The following ITGA9 variants were observed in gnomAD, a reference collection of about 807,000 sequenced individuals.
ITGA9 encodes integrin subunit alpha 9, also known as integrin alpha-9.
A neutral mutation model predicts 127.8 loss-of-function variants in ITGA9; 56 were observed. That is an observed-to-expected ratio of 0.44 (90% CI 0.35 to 0.55). The LOEUF (loss-of-function observed/expected upper bound fraction) is 0.55. ITGA9 is among the 20% of genes least tolerant of loss of function. The pLI is 0.00. For synonymous variants in ITGA9, 508 were observed against 514.5 expected, an observed-to-expected ratio of 0.99 and a Z score of 0.17; for missense variants, 1,196 against 1,347.1, an observed-to-expected ratio of 0.89 and a Z score of 1.76.
In ITGA9 at chr3:37,818,251, C is replaced by CTTTTTTTTT. The variant is rs1165189273; in HGVS notation, c.3010-622_3010-614dup. ...TCCCAAACTTATTTGACCATGAAAC[C>CTTTTTTTTT]TTTTTTTTTTTTTTTTTTTTTTTTT... On this transcript the variant is annotated intron_variant, in intron 27 of 27. Coordinates refer to ENST00000264741, the MANE Select transcript of ITGA9 (RefSeq NM_002207.3). 2.5e-3 allele frequency: 143 copies of CTTTTTTTTT among 57,020 alleles called. 8 individuals are homozygous for CTTTTTTTTT. The highest frequency in any genetic ancestry group is 8.1e-3 in the African/African-American group (136 of 16,762). 3.5% of individuals were successfully genotyped at this position (57,020 alleles called of 1,614,324 possible).
chr3:37,682,097 A>G (rs958080179), intron 17 of ITGA9, among the ~76,000 whole-genome samples: 1 of 152,076 alleles, frequency 6.6e-6, no homozygotes, highest in Non-Finnish European at 1.5e-5. Flanking sequence ...GATAATTCCC[A>G]TCTTAATAAA....
intron 16 of ITGA9, among the ~76,000 whole-genome samples, chr3:37,649,350 C>T (rs1361532282): frequency 6.6e-6 from 1 of 152,022 alleles, no homozygotes; most frequent in Non-Finnish European, 1.5e-5. Flanking sequence ...AAGAAGCTCA[C>T]TTTTAGATTC....
chr3:37,568,821 C>T (rs1699573513), intron 15 of ITGA9, among the ~76,000 whole-genome samples: 1 of 152,232 alleles, frequency 6.6e-6, no homozygotes, highest in African/African-American at 2.4e-5. Flanking sequence ...TTGGTCAAAG[C>T]CATTCAACAA....
chr3:37,737,122 G>A lies in ITGA9; in HGVS notation c.2234+139G>A, dbSNP rs183931957. 137 of 710,388 alleles carry A rather than the reference G, an allele frequency of 1.9e-4. No homozygotes were observed. The African/African-American group carries it at 2.1e-3, about 11-fold the overall frequency. 44.0% of individuals were successfully genotyped at this position (710,388 alleles called of 1,614,324 possible). A position where few individuals can be genotyped will look rare whatever the true frequency, so the allele number is the denominator to read the frequency against. On this transcript the variant is annotated intron_variant, in intron 20 of 27. Transcript: ENST00000264741. The stretch of plus-strand genomic sequence containing the variant: ...TTACTCAGTGATAAAGCCTTGAGCC[G>A]CAAAGTGGAATTGGATTTCTTGGGG...
intron 14 of ITGA9, among the ~76,000 whole-genome samples, chr3:37,540,930 G>A (rs1245551404): frequency 6.6e-6 from 1 of 152,256 alleles, no homozygotes; most frequent in African/African-American, 2.4e-5. Context: ...CGTTAAACAA[G>A]TTGGGGCAGA....
intron 15 of ITGA9, among the ~76,000 whole-genome samples, chr3:37,545,119 C>T (rs1699312810): frequency 1.3e-5 from 2 of 152,108 alleles, no homozygotes; most frequent in South Asian, 4.2e-4. Context: ...CCTCCTGGAG[C>T]AGGAACTGGG....
intron 18 of ITGA9, among the ~76,000 whole-genome samples, chr3:37,688,048 C>T (rs114549579): frequency 1.9e-3 from 294 of 152,362 alleles, no homozygotes; most frequent in African/African-American, 6.8e-3. Flanking sequence ...GATCCCCCAG[C>T]TCCTGTCATT....
chr3:37,750,827 C>T (rs999298208), intron 23 of ITGA9, among the ~76,000 whole-genome samples: 5 of 152,218 alleles, frequency 3.3e-5, no homozygotes, highest in African/African-American at 1.2e-4. Context: ...GGATGGACTT[C>T]GCTGGCTCTG....
intron 13 of ITGA9, among the ~76,000 whole-genome samples, chr3:37,531,555 G>A (rs1384826386): frequency 6.6e-6 from 1 of 152,026 alleles, no homozygotes; most frequent in African/African-American, 2.4e-5. Flanking sequence ...AGGAGGATTC[G>A]GCCTCCTCCC....
In ITGA9 at chr3:37,512,048, CTTTCTTTCTTTCTTTCTTTCTTTCT is replaced by C. The variant is rs1559524600; in HGVS notation, c.898-1712_898-1688del. Among the ~76,000 whole-genome samples the C allele has an allele frequency of 5.6e-3, 220 of 39,062 alleles. 8 individuals carry two copies. Among genetic ancestry groups the C allele is most frequent in the Non-Finnish European group, 9.3e-3 (162 of 17,454 alleles). The allele number at this position is 39,062 out of a possible 152,430, so 25.6% of individuals were successfully genotyped here. ...CTTTTCTTTCTTTCTTTCTTTCTTT[CTTTCTTTCTTTCTTTCTTTCTTTCT>C]TTCCTTCCTTCCTTCCTTCCTTCCT... On this transcript the variant is annotated intron_variant, in intron 8 of 27. Transcript: ENST00000264741.
At position 37,822,424 on chromosome 3, in the gene ITGA9, G is replaced by C. The variant is rs976939704; in HGVS notation, c.*3435G>C. 2.6e-5 allele frequency: 4 copies of C among 152,228 alleles called. No homozygotes were observed. Among genetic ancestry groups the C allele is most frequent in the African/African-American group, 9.7e-5 (4 of 41,448 alleles). 9.4% of individuals were successfully genotyped at this position (152,228 alleles called of 1,614,324 possible). A position where few individuals can be genotyped will look rare whatever the true frequency, so the allele number is the denominator to read the frequency against. On this transcript the variant is annotated 3_prime_UTR_variant, in exon 28 of 28. Transcript: ENST00000264741. ...CACAAAGAAGAGGCCATGATGTTTA[G>C]AAACAAGGGGACACTAGCAGGAGGG...
intron 18 of ITGA9, among the ~76,000 whole-genome samples, chr3:37,687,470 C>T (rs940111010): frequency 6.6e-6 from 1 of 152,162 alleles, no homozygotes; most frequent in Non-Finnish European, 1.5e-5. Context: ...GAACAGAAGC[C>T]ATTCCTTAGA....
intron 18 of ITGA9, among the ~76,000 whole-genome samples, chr3:37,724,844 G>C (rs975418296): frequency 2.6e-5 from 4 of 152,162 alleles, no homozygotes; most frequent in African/African-American, 9.7e-5. Context: ...TTCTGTGTCT[G>C]ACATCTTGTA....
At chr3:37,791,648 G>C (rs890178964) in intron 26 of ITGA9, among the ~76,000 whole-genome samples, 2 of 152,212 alleles carry the variant, frequency 1.3e-5, no homozygotes, top group Non-Finnish European at 2.9e-5. Flanking sequence ...AGAAGGTTCA[G>C]TGATACCAGC....
chr3:37,775,409 C>G (rs995808564), intron 23 of ITGA9, among the ~76,000 whole-genome samples: 1 of 152,026 alleles, frequency 6.6e-6, no homozygotes, highest in African/African-American at 2.4e-5. Flanking sequence ...CTTTGGGAGG[C>G]CGAGGCGGGC....
intron 5 of ITGA9, among the ~76,000 whole-genome samples, chr3:37,496,795 A>C (rs889345939): frequency 7.9e-5 from 12 of 151,688 alleles, no homozygotes; most frequent in African/African-American, 2.9e-4. Context: ...GACATGCCGG[A>C]CTCCCACTGG....
intron 15 of ITGA9, among the ~76,000 whole-genome samples, chr3:37,593,811 T>A (rs1209138710): frequency 9.2e-5 from 14 of 152,234 alleles, no homozygotes; most frequent in Admixed American, 9.2e-4. Context: ...AGCAGATTGG[T>A]GTCCTGGCCC....
chr3:37,775,029 C>A (rs1696889384), intron 23 of ITGA9, among the ~76,000 whole-genome samples: 1 of 152,126 alleles, frequency 6.6e-6, no homozygotes, highest in South Asian at 2.1e-4. Context: ...CCAATAGAAT[C>A]TAATTAAACT....
At chr3:37,503,786 T>G (rs1694696890) in intron 6 of ITGA9, among the ~76,000 whole-genome samples, 1 of 152,236 alleles carries the variant, frequency 6.6e-6, no homozygotes, top group Admixed American at 6.5e-5. Context: ...TTTCTCTTGC[T>G]TTCTTAACTC....
Sources: gnomAD v4.1 joint callset for allele counts (sites outside exome capture counted in the v4.1 genomes callset) on GRCh38, gnomAD v4.1.1 for gene constraint, MANE v1.5 for transcripts, NCBI Gene and HGNC (gene_info 2026-07-23, HGNC 2026-07-21) for gene names.